The following RAB3C variants were observed in gnomAD, a reference collection of about 807,000 sequenced individuals.
The protein encoded by RAB3C is RAB3C, member RAS oncogene family.
A neutral mutation model predicts 26.4 loss-of-function variants in RAB3C; 17 were observed. That is an observed-to-expected ratio of 0.64 (90% CI 0.44 to 0.97). The LOEUF is 0.97. Ranked by LOEUF, RAB3C falls within the 50% of genes least tolerant of loss-of-function variation. The pLI, the probability that RAB3C is intolerant of heterozygous loss-of-function variation, is 0.00. For missense variants in RAB3C, 242 were observed against 281.9 expected (o/e 0.86, Z 1.01); for synonymous variants, 91 against 95.9 (o/e 0.95, Z 0.30).
chr5:58,603,268 G>A (rs1259409135), intron 1 of RAB3C, among the ~76,000 whole-genome samples: 1 of 152,040 alleles, frequency 6.6e-6, no homozygotes, highest in East Asian at 1.9e-4. Context: ...TCTTAACTTT[G>A]AATAACCTGA....
intron 2 of RAB3C, among the ~76,000 whole-genome samples, chr5:58,721,612 G>T (rs1170968342): frequency 2.6e-5 from 4 of 151,694 alleles, no homozygotes; most frequent in Admixed American, 2.0e-4. Flanking sequence ...CAATTATAAT[G>T]AAGTGTTTTT....
chr5:58,765,530 C>T (rs557919123), intron 3 of RAB3C, among the ~76,000 whole-genome samples: 1 of 152,272 alleles, frequency 6.6e-6, no homozygotes, highest in African/African-American at 2.4e-5. Flanking sequence ...TGCTGTGCAA[C>T]CTTCCACTCC....
At chr5:58,688,283 G>C (rs908448811) in intron 2 of RAB3C, among the ~76,000 whole-genome samples, 6 of 152,080 alleles carry the variant, frequency 3.9e-5, no homozygotes, top group Non-Finnish European at 8.8e-5. Flanking sequence ...TGACCCAAGA[G>C]CATGTTGTTT....
At chr5:58,792,655 G>A (rs1440661528) in intron 3 of RAB3C, among the ~76,000 whole-genome samples, 1 of 151,984 alleles carries the variant, frequency 6.6e-6, no homozygotes, top group Non-Finnish European at 1.5e-5. Context: ...AGAGCAGAAT[G>A]TTTCCCAACA....
chr5:58,608,275 G>A (rs187609329), intron 1 of RAB3C, among the ~76,000 whole-genome samples: 1 of 151,818 alleles, frequency 6.6e-6, no homozygotes, highest in Non-Finnish European at 1.5e-5. Context: ...AAGAGCAGGG[G>A]TTGCATCTGA....
At chr5:58,597,048 T>TA (rs1554043388) in intron 1 of RAB3C, among the ~76,000 whole-genome samples, 20 of 8,886 alleles carry the variant, frequency 2.3e-3, no homozygotes, top group African/African-American at 8.8e-3. Context: ...TATTATATAA[T>TA]ATATATAATA....
chr5:58,735,738 C>T (rs534185980), intron 3 of RAB3C, among the ~76,000 whole-genome samples: 1 of 152,166 alleles, frequency 6.6e-6, no homozygotes, highest in Non-Finnish European at 1.5e-5. Flanking sequence ...GACTTGCCCC[C>T]TTGGGAAGCC....
chr5:58,809,498 CA>C (rs371940268), intron 3 of RAB3C, among the ~76,000 whole-genome samples: 7 of 151,948 alleles, frequency 4.6e-5, no homozygotes, highest in South Asian at 2.1e-4. Flanking sequence ...GGAAGAATTT[CA>C]GACACTACAG....
intron 3 of RAB3C, chr5:58,741,590 A>G (rs1040869108): frequency 6.6e-6 from 1 of 152,212 alleles, no homozygotes; most frequent in Non-Finnish European, 1.5e-5. Context: ...ATTCTTTATC[A>G]CACAATGTTT....
intron 4 of RAB3C, among the ~76,000 whole-genome samples, chr5:58,840,754 G>A (rs150402096): frequency 7.2e-5 from 11 of 152,232 alleles, no homozygotes; most frequent in African/African-American, 2.4e-4. Context: ...CAGTGGTCTA[G>A]GCTGAGAGAG....
At chr5:58,712,674 G>A (rs1315902280) in intron 2 of RAB3C, among the ~76,000 whole-genome samples, 1 of 152,082 alleles carries the variant, frequency 6.6e-6, no homozygotes, top group African/African-American at 2.4e-5. Flanking sequence ...ACAGGCATGT[G>A]CCATGATGCC....
chr5:58,788,143 A>G (rs1429317535), intron 3 of RAB3C: 1 of 152,228 alleles, frequency 6.6e-6, no homozygotes, highest in Non-Finnish European at 1.5e-5. Flanking sequence ...CTTTGAACTT[A>G]ACTGATGTAC....
intron 2 of RAB3C, among the ~76,000 whole-genome samples, chr5:58,663,136 C>T (rs1747937832): frequency 6.7e-6 from 1 of 149,424 alleles, no homozygotes; most frequent in African/African-American, 2.5e-5. Flanking sequence ...AAAGTTATGT[C>T]TAAATATACA....
At chr5:58,699,705 TG>T (rs1234062438) in intron 2 of RAB3C, among the ~76,000 whole-genome samples, 2 of 152,196 alleles carry the variant, frequency 1.3e-5, no homozygotes, top group African/African-American at 4.8e-5. Flanking sequence ...GCTGCTGCCT[TG>T]CCGTTCAGTC....
In RAB3C at chr5:58,600,560, C is replaced by T. The variant is rs148678031; in HGVS notation, c.25-17083C>T. ...TCCCTGTAGAGGTCTTTTGCCTCCT[C>T]GGTTAGGTATATTCCTAAGTATTTT... is the stretch of plus-strand genomic sequence containing the variant. On this transcript the variant is annotated intron_variant, in intron 1 of 4. Transcript: ENST00000282878. Among the ~76,000 whole-genome samples the T allele has an allele frequency of 5.3e-4, 81 of 152,030 alleles. 1 individual carries two copies. The highest frequency in any genetic ancestry group is 1.7e-3 in the African/African-American group (70 of 41,480).
At chr5:58,710,397 G>A (rs535635499) in intron 2 of RAB3C, among the ~76,000 whole-genome samples, 5 of 151,856 alleles carry the variant, frequency 3.3e-5, no homozygotes, top group Admixed American at 2.0e-4. Context: ...TCAGGAGTTC[G>A]AGACCAGCCT....
At chr5:58,591,040 A>C (rs1746117055) in intron 1 of RAB3C, among the ~76,000 whole-genome samples, 1 of 152,184 alleles carries the variant, frequency 6.6e-6, no homozygotes. Flanking sequence ...TTAATTTCCA[A>C]ATACTTGGGT....
intron 2 of RAB3C, among the ~76,000 whole-genome samples, chr5:58,677,721 T>A (rs374419529): frequency 6.6e-6 from 1 of 152,212 alleles, no homozygotes; most frequent in African/African-American, 2.4e-5. Context: ...TTATTTGAAC[T>A]GATAGCGGCT....
intron 3 of RAB3C, among the ~76,000 whole-genome samples, chr5:58,803,395 G>T (rs1241250780): frequency 1.3e-5 from 2 of 152,310 alleles, no homozygotes; most frequent in African/African-American, 2.4e-5. Context: ...AAAAGTGAAA[G>T]GTAGCTTTTG....
Sources: gnomAD v4.1 joint callset for allele counts (sites outside exome capture counted in the v4.1 genomes callset) on GRCh38, gnomAD v4.1.1 for gene constraint, MANE v1.5 for transcripts, NCBI Gene and HGNC (gene_info 2026-07-23, HGNC 2026-07-21) for gene names.